FLNC: variants seen among roughly 807,000 people sequenced by gnomAD.
The protein encoded by FLNC is filamin-C.
FLNC carries 91 observed loss-of-function variants against 254.3 expected under a neutral mutation model. The ratio of observed to expected loss-of-function variants is 0.36; its 90% CI spans 0.30 to 0.43. FLNC has a LOEUF of 0.43. Ranked by LOEUF, FLNC falls within the 20% of genes least tolerant of loss-of-function variation. FLNC has a pLI of 1.00. For missense variants in FLNC, 2,853 were observed against 3,802.6 expected (o/e 0.75, Z 6.57); for synonymous variants, 1,430 against 1,577.2 (o/e 0.91, Z 2.21).
Position 128,844,195 on chromosome 7 carries a change from A to G in FLNC, c.3121A>G (p.Thr1041Ala). ...PEEGPYKVDITYDGHPVPGSP... is the reference protein window; with the variant it reads ...PEEGPYKVDIAYDGHPVPGSP... ...GGAGGGGCCCTACAAGGTGGATATC[A>G]CCTACGATGGTCACCCGGTGCCTGG... The change falls in exon 20 of 48, where the codon ACC (threonine) becomes GCC (alanine). Residue 1041 changes from threonine to alanine, a missense_variant. Around this residue, in one of 10 missense-constraint regions of FLNC, gnomAD observed 1,573 missense variants for 1,883.5 expected, o/e 0.84. Transcript: ENST00000325888. 2 of 1,613,088 alleles carry G rather than the reference A, an allele frequency of 1.2e-6. No individual in the cohort carries two copies. The highest frequency in any genetic ancestry group is 1.7e-6 in the Non-Finnish European group (2 of 1,179,392).
Position 128,835,196 on chromosome 7 carries a change from G to A in FLNC, c.353-130G>A. On this transcript the variant is annotated intron_variant, in intron 1 of 47. Transcript: ENST00000325888. The surrounding 1 kb of genome is among the most constrained non-coding windows in gnomAD (Gnocchi z 5.3). ...AGTGGGGCCTCGCAGGAGGGAGAGG[G>A]TCAGGTAGGCAGAGACTAGAGGCCT... The A allele has an allele frequency of 1.6e-6, 2 of 1,234,158 alleles. No homozygotes were observed. The highest frequency in any genetic ancestry group is 2.4e-5 in the East Asian group (1 of 41,234). The allele number at this position is 1,234,158 out of a possible 1,614,324, so 76.5% of individuals were successfully genotyped here.
Position 128,857,708 on chromosome 7 carries a change from T to C in FLNC, c.7781-300T>C, listed in dbSNP as rs1299615932. 6.6e-6 allele frequency among the ~76,000 whole-genome samples: 1 copy of C among 151,700 alleles called. No individual in the cohort carries two copies. Among genetic ancestry groups the C allele is most frequent in the African/African-American group, 2.4e-5 (1 of 41,128 alleles). On this transcript the variant is annotated intron_variant, in intron 46 of 47. Transcript: ENST00000325888. The surrounding 1 kb of genome is among the most constrained non-coding windows in gnomAD (Gnocchi z 4.5). ...TAGGATGAGTTGGGTGGGTGTTCCTTTGTAAAGTGGCTCTTACCCTGTGAG... is the reference window on the plus strand; with the variant it reads ...TAGGATGAGTTGGGTGGGTGTTCCTCTGTAAAGTGGCTCTTACCCTGTGAG...
At chr7:128,845,874 G>A (rs1808540583) in intron 21 of FLNC, 116 bp from the exon 22 acceptor site, 1 of 759,260 alleles carries the variant, frequency 1.3e-6, no homozygotes, top group Non-Finnish European at 1.9e-6. Flanking sequence ...GTGAGAGGAG[G>A]GGAAGAGGAG....
Position 128,849,050 on chromosome 7 carries a change from G to T in FLNC, c.4927+68G>T, listed in dbSNP as rs531060770. 4.0e-5 allele frequency: 64 copies of T among 1,596,810 alleles called. No individual in the cohort carries two copies. Among genetic ancestry groups the T allele is most frequent in the Non-Finnish European group, 5.1e-5 (60 of 1,170,346 alleles). ...CCCTCAAAGCCCCTCCAGAACCCTG[G>T]CCTGGTCCCCAGGGGTCTGCTGGTC... On this transcript the variant is annotated intron_variant, in intron 28 of 47. Coordinates refer to ENST00000325888, the MANE Select transcript of FLNC (RefSeq NM_001458.5).
rs748008658 is a variant in FLNC, at chr7:128,846,750, C to T, written c.4133C>T (p.Ala1378Val). 25 of 1,613,524 alleles carry T rather than the reference C, an allele frequency of 1.5e-5. No individual in the cohort carries two copies. The highest frequency in any genetic ancestry group is 2.2e-5 in the East Asian group (1 of 44,886). Residue 1378 changes from alanine (A) to valine (V), a missense_variant, in exon 24 of 48, where the codon GCG becomes GTG. Physicochemically the swap from Ala to Val is moderately conservative, Grantham distance 64 (BLOSUM62 0). Coordinates refer to ENST00000325888, the MANE Select transcript of FLNC (RefSeq NM_001458.5). ...ANRFTVETRGAGTGGLGLAIE... is the reference protein window; with the variant it reads ...ANRFTVETRGVGTGGLGLAIE... ...GGGGGGATGTTATCTCTCAGGGGAG[C>T]GGGCACCGGGGGCCTTGGCCTAGCC... is the stretch of plus-strand genomic sequence containing the variant.
rs1156432786 is a variant in FLNC, at chr7:128,856,074, C to T, written c.7252-444C>T. ...CCGATGCAGGCTCCAATCCCTCCCC[C>T]AGAGCCCTTCTGTGCTTCTTCTGGT... On this transcript the variant is annotated intron_variant, in intron 43 of 47. Transcript: ENST00000325888. The surrounding 1 kb of genome is among the most constrained non-coding windows in gnomAD (Gnocchi z 5.9). 3.9e-5 allele frequency among the ~76,000 whole-genome samples: 6 copies of T among 152,232 alleles called. No homozygotes were observed. Among genetic ancestry groups the T allele is most frequent in the Admixed American group, 3.3e-4 (5 of 15,286 alleles).
rs556117587 is a variant in FLNC, at chr7:128,850,719, A to C, written c.5399-84A>C. ...TGCCTGGCTTCTCGGGTGGCAGCAG[A>C]AGCACTCAGGACCAGGCCTGGGACA... On this transcript the variant is annotated intron_variant, in intron 32 of 47. Coordinates refer to ENST00000325888, the MANE Select transcript of FLNC (RefSeq NM_001458.5). 5 of 1,594,184 alleles carry C rather than the reference A, an allele frequency of 3.1e-6. No homozygotes were observed. The Admixed American group carries it at 8.7e-5, about 28-fold the overall frequency.
In FLNC at chr7:128,836,297, C is replaced by T. The variant is rs1808090022; in HGVS notation, c.601+723C>T. Among the ~76,000 whole-genome samples, 1 of 152,230 alleles carries T rather than the reference C, an allele frequency of 6.6e-6. No individual in the cohort carries two copies. Among genetic ancestry groups the T allele is most frequent in the Admixed American group, 6.5e-5 (1 of 15,290 alleles). On this transcript the variant is annotated intron_variant, in intron 2 of 47. Transcript: ENST00000325888. This position sits in a 1 kb window ranked among gnomAD's most constrained non-coding sequence, Gnocchi z 6.0. ...AGTCACAGCCCCTCGGGAGAATCCTCCTCCACCCTGGGGTCAGCCGGGGAG... is the reference window on the plus strand; with the variant it reads ...AGTCACAGCCCCTCGGGAGAATCCTTCTCCACCCTGGGGTCAGCCGGGGAG...
intron 5 of FLNC, 93 bp downstream of exon 5, chr7:128,837,848 C>T (rs1055860350): frequency 3.6e-6 from 5 of 1,373,860 alleles, no homozygotes; most frequent in African/African-American, 2.9e-5. Context: ...AGGTGACTGC[C>T]AGAGCCACAC....
At chr7:128,839,357 T>A (rs1363998340) in intron 8 of FLNC, among the ~76,000 whole-genome samples, 1 of 152,228 alleles carries the variant, frequency 6.6e-6, no homozygotes, top group Non-Finnish European at 1.5e-5. Flanking sequence ...AAATCTGGGC[T>A]CTGAGCCATT....
chr7:128,832,566 T>C (rs547176531), intron 1 of FLNC, among the ~76,000 whole-genome samples: 3 of 152,310 alleles, frequency 2.0e-5, no homozygotes, highest in African/African-American at 4.8e-5. Context: ...GCCTCGTCCT[T>C]CCTGAGCACA....
intron 1 of FLNC, among the ~76,000 whole-genome samples, chr7:128,831,872 G>C (rs541430804): frequency 1.3e-3 from 205 of 152,256 alleles, no homozygotes; most frequent in African/African-American, 4.4e-3. Context: ...GGAGTGGCAG[G>C]AGGCTGTCCT....
rs1224263402 is a variant in FLNC, at chr7:128,835,421, G to A, written c.448G>A (p.Asp150Asn). The A allele has an allele frequency of 1.9e-6, 3 of 1,614,040 alleles. No individual in the cohort carries two copies. Among genetic ancestry groups the A allele is most frequent in the Non-Finnish European group, 2.5e-6 (3 of 1,180,052 alleles). ...HYSISMPMWEDEDDEDARKQT... is the reference protein window; with the variant it reads ...HYSISMPMWENEDDEDARKQT... ...CTCCATCTCCATGCCCATGTGGGAG[G>A]ATGAAGATGATGAGGATGCCCGCAA... The change falls in exon 2 of 48, where the codon GAT becomes AAT. Residue 150 changes from aspartate (D) to asparagine (N), a missense_variant. Around this residue, in one of 10 missense-constraint regions of FLNC, gnomAD observed 115 missense variants for 230.3 expected, o/e 0.50. Transcript: ENST00000325888. This position sits in a 1 kb window ranked among gnomAD's most constrained non-coding sequence, Gnocchi z 5.3.
At chr7:128,853,660 AG>A in intron 38 of FLNC, 39 bp downstream of exon 38, 1 of 1,613,938 alleles carries the variant, frequency 6.2e-7, no homozygotes, top group Non-Finnish European at 8.5e-7. Flanking sequence ...AGAGACAGGG[AG>A]GCCAGGAGGC....
chr7:128,849,087 A>G, intron 28 of FLNC, 94 bp from the exon 29 acceptor site: 4 of 1,586,022 alleles, frequency 2.5e-6, no homozygotes, highest in East Asian at 2.2e-5. Flanking sequence ...GAGAGCACAC[A>G]TGCCCTAGCC....
At chr7:128,850,584 A>G (rs1808765300) in intron 32 of FLNC, 101 bp downstream of exon 32, 1 of 1,214,136 alleles carries the variant, frequency 8.2e-7, no homozygotes, top group African/African-American at 1.5e-5. Context: ...CAGAGAGAGG[A>G]AGTGAGCTCT....
At position 128,842,471 on chromosome 7, in the gene FLNC, G is replaced by A; in HGVS notation, c.2265+97G>A. 6.3e-7 allele frequency: 1 copy of A among 1,592,380 alleles called. No homozygotes were observed. The highest frequency in any genetic ancestry group is 8.6e-7 in the Non-Finnish European group (1 of 1,169,096). On this transcript the variant is annotated intron_variant, in intron 14 of 47. Coordinates refer to ENST00000325888, the MANE Select transcript of FLNC (RefSeq NM_001458.5). This position sits in a 1 kb window ranked among gnomAD's most constrained non-coding sequence, Gnocchi z 5.4. ...CCCTGTTGTCCCTGGGCTCAGGCTG[G>A]GACTGAGGCTTGGGCTGGTGCCACT... is the stretch of plus-strand genomic sequence containing the variant.
In FLNC at chr7:128,848,575, A is replaced by G. The variant is rs771725242; in HGVS notation, c.4595A>G (p.Lys1532Arg). 6.2e-7 allele frequency: 1 copy of G among 1,613,902 alleles called. No homozygotes were observed. Among genetic ancestry groups the G allele is most frequent in the South Asian group, 1.1e-5 (1 of 91,086 alleles). The change falls in exon 27 of 48, where the codon AAG becomes AGG. Residue 1532 changes from lysine to arginine, a missense_variant. Around this residue, in one of 10 missense-constraint regions of FLNC, gnomAD observed 1,573 missense variants for 1,883.5 expected, o/e 0.84. Coordinates refer to ENST00000325888, the MANE Select transcript of FLNC (RefSeq NM_001458.5). The part of the protein sequence containing the change: ...QEVPRSPFKI[K>R]VLPAHDASKV... ...TGCTCCTCAAGCCCCTTCAAGATCA[A>G]GGTCCTCCCAGCTCATGATGCCAGC...
chr7:128,844,856 A>G lies in FLNC; in HGVS notation c.3391A>G (p.Ile1131Val), dbSNP rs773110786. 44 of 1,614,116 alleles carry G rather than the reference A, an allele frequency of 2.7e-5. No individual in the cohort carries two copies. The highest frequency in any genetic ancestry group is 3.7e-5 in the Non-Finnish European group (44 of 1,180,028). Residue 1131 changes from isoleucine to valine, a missense_variant, in exon 21 of 48, where the codon ATC becomes GTC. Ile to Val is a conservative substitution (Grantham distance 29, BLOSUM62 3). This residue lies in a region of FLNC where 1,573 missense variants were observed against 1,883.5 expected (regional missense o/e 0.84). Coordinates refer to ENST00000325888, the MANE Select transcript of FLNC (RefSeq NM_001458.5). Reference protein sequence around the residue: ...YLPTEPGEYTINILFAEAHIP... With the variant: ...YLPTEPGEYTVNILFAEAHIP... ...GCCCACGGAGCCTGGCGAGTACACC[A>G]TCAACATCCTGTTTGCTGAGGCCCA...
Sources: gnomAD v4.1 joint callset for allele counts (sites outside exome capture counted in the v4.1 genomes callset) on GRCh38, gnomAD v4.1.1 for gene constraint, gnomAD v4.1.1 regional missense constraint, Gnocchi (gnomAD v3.1) non-coding constraint, MANE v1.5 for transcripts, NCBI Gene and HGNC (gene_info 2026-07-23, HGNC 2026-07-21) for gene names.